The following RGS5 variants were observed in gnomAD, a reference collection of about 807,000 sequenced individuals.
The protein encoded by RGS5 is regulator of G protein signaling 5.
In RGS5, 20 loss-of-function variants were observed where a neutral mutation model predicts 18.9. The observed-to-expected ratio is 1.06, with a 90% CI of 0.74 to 1.54. RGS5 has a LOEUF of 1.54. RGS5 is among the 40% of genes most tolerant of loss of function. RGS5 has a pLI of 0.00. For missense variants in RGS5, 201 were observed against 211.8 expected, an observed-to-expected ratio of 0.95 and a Z score of 0.32; for synonymous variants, 57 against 76.2, an observed-to-expected ratio of 0.75 and a Z score of 1.31.
Position 163,147,325 on chromosome 1 carries a change from A to G in RGS5, c.*17T>C, listed in dbSNP as rs773133865. The G allele has an allele frequency of 1.3e-6, 2 of 1,571,926 alleles. No homozygotes were observed. The highest frequency in any genetic ancestry group is 1.4e-5 in the African/African-American group (1 of 73,072). ...AGGAAATAACTCACAGGATGATTTCATAGCCTGGCTAAATTACTACTTGAT... is the reference window on the plus strand; with the variant it reads ...AGGAAATAACTCACAGGATGATTTCGTAGCCTGGCTAAATTACTACTTGAT... On this transcript the variant is annotated 3_prime_UTR_variant, in exon 5 of 5. Transcript: ENST00000313961.
intron 2 of RGS5, among the ~76,000 whole-genome samples, chr1:163,259,264 G>T (rs888667105): frequency 6.6e-6 from 1 of 151,476 alleles, no homozygotes; most frequent in Non-Finnish European, 1.5e-5. Context: ...CCATTCTCCT[G>T]CCTCAGCCTC....
At chr1:163,172,992 C>A (rs573464978) in intron 1 of RGS5, among the ~76,000 whole-genome samples, 87 of 152,274 alleles carry the variant, frequency 5.7e-4, no homozygotes, top group African/African-American at 2.0e-3. Flanking sequence ...ATGAAAAATT[C>A]AAACAAAACA....
At chr1:163,194,781 G>A (rs1271028859) in intron 1 of RGS5, among the ~76,000 whole-genome samples, 2 of 152,050 alleles carry the variant, frequency 1.3e-5, no homozygotes, top group Non-Finnish European at 2.9e-5. Context: ...AAAGAGCATT[G>A]AAAATATTTC....
At chr1:163,253,340 ACT>A (rs2101699682) in intron 2 of RGS5, among the ~76,000 whole-genome samples, 1 of 152,056 alleles carries the variant, frequency 6.6e-6, no homozygotes, top group East Asian at 1.9e-4. Context: ...ACAGAGTCTC[ACT>A]CTGTTGCCCA....
At chr1:163,235,718 T>G (rs915387536) in intron 2 of RGS5, among the ~76,000 whole-genome samples, 7 of 152,228 alleles carry the variant, frequency 4.6e-5, no homozygotes, top group African/African-American at 1.7e-4. Flanking sequence ...CCAAGAAGTC[T>G]CTTTCATTTT....
At chr1:163,206,946 G>C (rs1435881393), upstream of RGS5, 1 of 152,066 alleles carries the variant, frequency 6.6e-6, no homozygotes, top group Non-Finnish European at 1.5e-5. Flanking sequence ...TGCATCTTTT[G>C]TTATTTAAGA....
chr1:163,313,163 C>A (rs1020209668), intron 1 of RGS5, among the ~76,000 whole-genome samples: 1 of 152,108 alleles, frequency 6.6e-6, no homozygotes, highest in Non-Finnish European at 1.5e-5. Context: ...ACAACATAGT[C>A]TGGTTTATTC....
At chr1:163,241,830 T>C (rs1425261475) in intron 2 of RGS5, among the ~76,000 whole-genome samples, 5 of 152,182 alleles carry the variant, frequency 3.3e-5, no homozygotes, top group Admixed American at 6.5e-5. Context: ...GGAGACGAAG[T>C]GTTGGCCAGT....
At chr1:163,156,093 G>C (rs1319267954) in intron 3 of RGS5, among the ~76,000 whole-genome samples, 1 of 152,142 alleles carries the variant, frequency 6.6e-6, no homozygotes, top group Non-Finnish European at 1.5e-5. Context: ...AACTAGATTA[G>C]TGCAAATCTC....
At chr1:163,307,099 A>G (rs1177859591) in intron 1 of RGS5, among the ~76,000 whole-genome samples, 4 of 152,204 alleles carry the variant, frequency 2.6e-5, no homozygotes, top group East Asian at 1.9e-4. Flanking sequence ...AACAACTCCT[A>G]TAAGAGGTGA....
intron 1 of RGS5, among the ~76,000 whole-genome samples, chr1:163,191,720 A>G (rs1278759981): frequency 6.6e-6 from 1 of 152,012 alleles, no homozygotes; most frequent in East Asian, 1.9e-4. Flanking sequence ...AGAGCTCCTA[A>G]ATCCCTTGGA....
At position 163,165,312 on chromosome 1, in the gene RGS5, G is replaced by C. The variant is rs1350277952; in HGVS notation, c.155+2946C>G. Among the ~76,000 whole-genome samples, 3 of 152,194 alleles carry C rather than the reference G, an allele frequency of 2.0e-5. No homozygotes were observed. The East Asian group carries it at 5.8e-4, about 29-fold the overall frequency. The stretch of plus-strand genomic sequence containing the variant: ...ACTACAACAACAAACCAGAAAAAGG[G>C]GTTAAAAATTGCTGACATAGGCAGG... On this transcript the variant is annotated intron_variant, in intron 2 of 4. Coordinates refer to ENST00000313961, the MANE Select transcript of RGS5 (RefSeq NM_003617.4).
chr1:163,199,539 T>C lies in RGS5; in HGVS notation c.44+3253A>G, dbSNP rs564217083. 4.7e-4 allele frequency among the ~76,000 whole-genome samples: 72 copies of C among 152,242 alleles called. 1 individual carries two copies. The South Asian group carries it at 0.014, about 29-fold the overall frequency. ...TTACCCATTATATATATTCCACCCT[T>C]TAATCTTATGGAAAAAAACTTCTCT... On this transcript the variant is annotated intron_variant, in intron 1 of 4. Transcript: ENST00000313961.
At chr1:163,287,887 C>A (rs1164694056) in intron 2 of RGS5, among the ~76,000 whole-genome samples, 1 of 152,192 alleles carries the variant, frequency 6.6e-6, no homozygotes, top group East Asian at 1.9e-4. Context: ...GGTTTCCTTA[C>A]AGACTTTTCT....
At chr1:163,259,729 C>T (rs1465743785) in intron 2 of RGS5, 1 of 152,194 alleles carries the variant, frequency 6.6e-6, no homozygotes, top group East Asian at 1.9e-4. Flanking sequence ...TATTAAGAAA[C>T]TTCGAGTAGC....
intron 1 of RGS5, among the ~76,000 whole-genome samples, chr1:163,180,684 C>CTTTT (rs1429373041): frequency 4.0e-4 from 33 of 81,884 alleles, no homozygotes; most frequent in Non-Finnish European, 6.4e-4. Context: ...AGCCCTTACC[C>CTTTT]TGTTTTTTTT....
chr1:163,219,337 G>A (rs969241835), upstream of RGS5, among the ~76,000 whole-genome samples: 1 of 152,028 alleles, frequency 6.6e-6, no homozygotes, highest in African/African-American at 2.4e-5. Flanking sequence ...TCATATAAAT[G>A]GTATCATATA....
intron 1 of RGS5, among the ~76,000 whole-genome samples, chr1:163,319,646 C>T (rs184759128): frequency 1.3e-5 from 2 of 152,188 alleles, no homozygotes; most frequent in African/African-American, 2.4e-5. Flanking sequence ...TTGACAGGCA[C>T]CTGGGTCAGA....
At chr1:163,313,827 A>G (rs377469060) in intron 1 of RGS5, among the ~76,000 whole-genome samples, 27 of 152,320 alleles carry the variant, frequency 1.8e-4, no homozygotes, top group Admixed American at 1.4e-3. Flanking sequence ...GGTTACAAAA[A>G]TTAACACTGC....
Sources: gnomAD v4.1 joint callset for allele counts (sites outside exome capture counted in the v4.1 genomes callset) on GRCh38, gnomAD v4.1.1 for gene constraint, MANE v1.5 for transcripts, NCBI Gene and HGNC (gene_info 2026-07-23, HGNC 2026-07-21) for gene names.